LUZP2: variants seen among roughly 807,000 people sequenced by gnomAD.
LUZP2 encodes leucine zipper protein 2.
LUZP2 carries 52 observed loss-of-function variants against 51.6 expected under a neutral mutation model. That is an observed-to-expected ratio of 1.01 (90% confidence interval 0.81 to 1.27). LUZP2 has a LOEUF of 1.27. Among genes scored for constraint, LUZP2 ranks in the 50% most tolerant of loss-of-function variants. The pLI, the probability that LUZP2 is intolerant of heterozygous loss-of-function variation, is 0.00. For missense variants in LUZP2, 436 were observed against 395.4 expected, an observed-to-expected ratio of 1.10 and a Z score of -0.87; for synonymous variants, 154 against 137.3, an observed-to-expected ratio of 1.12 and a Z score of -0.85.
At chr11:24,957,678 T>A (rs1855249449) in intron 7 of LUZP2, among the ~76,000 whole-genome samples, 1 of 152,194 alleles carries the variant, frequency 6.6e-6, no homozygotes, top group Non-Finnish European at 1.5e-5. Flanking sequence ...CAAAATTTAT[T>A]TCTTTTCAAA....
intron 5 of LUZP2, among the ~76,000 whole-genome samples, chr11:24,847,024 A>G (rs915970969): frequency 6.6e-6 from 1 of 151,816 alleles, no homozygotes; most frequent in Admixed American, 6.6e-5. Flanking sequence ...GCATACATAC[A>G]TGTATACACA....
At chr11:24,921,777 A>T (rs1854066741) in intron 7 of LUZP2, among the ~76,000 whole-genome samples, 1 of 152,168 alleles carries the variant, frequency 6.6e-6, no homozygotes, top group Admixed American at 6.5e-5. Context: ...TGAGATTTGA[A>T]TGTCTACAGA....
At chr11:25,013,910 C>A (rs1233618265) in intron 9 of LUZP2, among the ~76,000 whole-genome samples, 1 of 152,070 alleles carries the variant, frequency 6.6e-6, no homozygotes, top group Admixed American at 6.6e-5. Flanking sequence ...TCCCCCCACC[C>A]CATGACAGGC....
At chr11:24,841,036 A>C (rs1851012392) in intron 5 of LUZP2, among the ~76,000 whole-genome samples, 1 of 151,946 alleles carries the variant, frequency 6.6e-6, no homozygotes, top group Non-Finnish European at 1.5e-5. Context: ...TTAACCATGT[A>C]GTATGCAGTA....
chr11:24,687,823 T>G (rs1177401295), intron 1 of LUZP2, among the ~76,000 whole-genome samples: 1 of 152,162 alleles, frequency 6.6e-6, no homozygotes, highest in East Asian at 1.9e-4. Flanking sequence ...AGATTAGTGC[T>G]TGAGATAAGA....
chr11:24,766,549 G>C (rs1446972031), intron 5 of LUZP2, among the ~76,000 whole-genome samples: 3 of 152,130 alleles, frequency 2.0e-5, no homozygotes, highest in Non-Finnish European at 4.4e-5. Flanking sequence ...GAATACAGAA[G>C]TTTCTGTTAA....
At chr11:24,707,703 G>C (rs1311176445) in intron 1 of LUZP2, among the ~76,000 whole-genome samples, 6 of 152,148 alleles carry the variant, frequency 3.9e-5, no homozygotes, top group Non-Finnish European at 8.8e-5. Flanking sequence ...CTGCCTTTTT[G>C]TTTTATTAGC....
chr11:25,008,542 G>C (rs1367151020), intron 9 of LUZP2, among the ~76,000 whole-genome samples: 1 of 152,172 alleles, frequency 6.6e-6, no homozygotes, highest in Non-Finnish European at 1.5e-5. Flanking sequence ...GTGAACTGGG[G>C]CATGTGACAC....
At chr11:24,498,013 A>G (rs1849880843) in intron 1 of LUZP2, among the ~76,000 whole-genome samples, 1 of 152,214 alleles carries the variant, frequency 6.6e-6, no homozygotes, top group Non-Finnish European at 1.5e-5. Context: ...CCCATTACAG[A>G]GGAGCTATTT....
chr11:24,967,040 T>G (rs1855604910), intron 7 of LUZP2, among the ~76,000 whole-genome samples: 1 of 151,648 alleles, frequency 6.6e-6, no homozygotes, highest in African/African-American at 2.4e-5. Context: ...ACTATATATT[T>G]GGGTCAATTT....
Position 24,690,695 on chromosome 11 carries a change from A to G in LUZP2, c.63-38474A>G, listed in dbSNP as rs149907497. On this transcript the variant is annotated intron_variant, in intron 1 of 11. Coordinates refer to ENST00000336930, the MANE Select transcript of LUZP2 (RefSeq NM_001009909.4). ...GAGTATGTGTATATAGCTCACAGTCAATTATGTTACTCTCTACCAACTGTA... is the reference window on the plus strand; with the variant it reads ...GAGTATGTGTATATAGCTCACAGTCGATTATGTTACTCTCTACCAACTGTA... Among the ~76,000 whole-genome samples, 16 of 152,190 alleles carry G rather than the reference A, an allele frequency of 1.1e-4. No homozygotes were observed. In the East Asian group the frequency reaches 3.1e-3, roughly 29 times the overall value.
At chr11:24,961,852 T>G (rs1182999445) in intron 7 of LUZP2, among the ~76,000 whole-genome samples, 1 of 151,368 alleles carries the variant, frequency 6.6e-6, no homozygotes, top group African/African-American at 2.4e-5. Flanking sequence ...TTGATGGTCT[T>G]TACATTTTGG....
In LUZP2 at chr11:24,926,354, TACGTGTGTATATATATATAC is replaced by T. The variant is rs1565119295; in HGVS notation, c.522+11817_522+11836del. 9.2e-4 allele frequency among the ~76,000 whole-genome samples: 81 copies of T among 88,520 alleles called. 6 individuals carry two copies. The highest frequency in any genetic ancestry group is 4.1e-3 in the African/African-American group (78 of 19,202). 58.1% of individuals were successfully genotyped at this position (88,520 alleles called of 152,430 possible). ...ATATATATATACGTGTGTATATATA[TACGTGTGTATATATATATAC>T]GTGTGTATATATATACGTGTGTATA... is the stretch of plus-strand genomic sequence containing the variant. On this transcript the variant is annotated intron_variant, in intron 7 of 11. Coordinates refer to ENST00000336930, the MANE Select transcript of LUZP2 (RefSeq NM_001009909.4).
At chr11:24,712,290 G>T (rs767150007) in intron 1 of LUZP2, among the ~76,000 whole-genome samples, 15 of 152,042 alleles carry the variant, frequency 9.9e-5, no homozygotes, top group South Asian at 8.3e-4. Flanking sequence ...GCATGCACCC[G>T]TGGTCTCAGC....
At chr11:24,537,384 A>G (rs1255379495) in intron 1 of LUZP2, among the ~76,000 whole-genome samples, 2 of 151,970 alleles carry the variant, frequency 1.3e-5, no homozygotes, top group Non-Finnish European at 2.9e-5. Flanking sequence ...TTCTTCAAAC[A>G]AGTTAATATG....
intron 1 of LUZP2, among the ~76,000 whole-genome samples, chr11:24,599,110 C>G (rs1565017686): frequency 6.6e-6 from 1 of 152,086 alleles, no homozygotes; most frequent in East Asian, 1.9e-4. Context: ...TGCTGAACCT[C>G]CCTTGGAGCT....
intron 8 of LUZP2, among the ~76,000 whole-genome samples, chr11:24,980,143 G>A (rs151160437): frequency 2.7e-4 from 41 of 151,790 alleles, no homozygotes; most frequent in African/African-American, 8.9e-4. Context: ...TCCAAAGCTG[G>A]CAGTTCAGGA....
intron 5 of LUZP2, among the ~76,000 whole-genome samples, chr11:24,905,535 T>G (rs888162366): frequency 1.3e-5 from 2 of 151,242 alleles, no homozygotes; most frequent in Non-Finnish European, 3.0e-5. Flanking sequence ...TCAAAAAAAA[T>G]AAATAAAAAA....
chr11:24,984,549 T>TATATATATATATATATATATATATAAAA (rs60530495), intron 9 of LUZP2, among the ~76,000 whole-genome samples: 2 of 71,206 alleles, frequency 2.8e-5, no homozygotes, highest in South Asian at 5.9e-4. Flanking sequence ...TATATATATA[T>TATATATATATATATATATATATATAAAA]AATTGTGAAT....
Sources: gnomAD v4.1 joint callset for allele counts (sites outside exome capture counted in the v4.1 genomes callset) on GRCh38, gnomAD v4.1.1 for gene constraint, MANE v1.5 for transcripts, NCBI Gene and HGNC (gene_info 2026-07-23, HGNC 2026-07-21) for gene names.